The following ZCWPW2 variants were observed in gnomAD, a reference collection of about 807,000 sequenced individuals.
ZCWPW2 encodes the protein zinc finger CW-type PWWP domain protein 2.
A neutral mutation model predicts 46.6 loss-of-function variants in ZCWPW2; 45 were observed. The observed-to-expected ratio is 0.96, with a 90% CI of 0.76 to 1.24. The LOEUF (loss-of-function observed/expected upper bound fraction) is 1.24. Among genes scored for constraint, ZCWPW2 ranks in the 50% most tolerant of loss-of-function variants. The probability of loss-of-function intolerance (pLI) is 0.00; values close to 1 mark genes in which losing one functional copy is unlikely to be tolerated. For missense variants in ZCWPW2, 429 were observed against 403.9 expected (o/e 1.06, Z -0.53); for synonymous variants, 152 against 137.1 (o/e 1.11, Z -0.76).
intron 1 of ZCWPW2, among the ~76,000 whole-genome samples, chr3:28,380,960 A>T (rs866213970): frequency 2.3e-5 from 1 of 44,434 alleles, no homozygotes; most frequent in Admixed American, 2.7e-4. Flanking sequence ...ATATATATAT[A>T]TATATATATA....
chr3:28,495,461 A>G (rs1699959328), intron 6 of ZCWPW2, among the ~76,000 whole-genome samples: 1 of 152,060 alleles, frequency 6.6e-6, no homozygotes, highest in African/African-American at 2.4e-5. Context: ...TATTGCTTTT[A>G]TTTGTACCAG....
At chr3:28,432,518 T>A (rs897491326) in intron 3 of ZCWPW2, among the ~76,000 whole-genome samples, 1 of 152,214 alleles carries the variant, frequency 6.6e-6, no homozygotes, top group African/African-American at 2.4e-5. Flanking sequence ...CATAGCTTAC[T>A]GACCTTATTT....
In ZCWPW2 at chr3:28,390,102, G is replaced by A. The variant is rs555907374; in HGVS notation, c.-133-396G>A. Among the ~76,000 whole-genome samples, 258 of 152,256 alleles carry A rather than the reference G, an allele frequency of 1.7e-3. 1 individual carries two copies. The highest frequency in any genetic ancestry group is 7.0e-3 in the South Asian group (34 of 4,830). ...GACATCCTCCATTTCCCAGTTTACA[G>A]ATGGCCATGGGAATGTCAGCCCACA... is the stretch of plus-strand genomic sequence containing the variant. On this transcript the variant is annotated intron_variant, in intron 1 of 9. Transcript: ENST00000383768.
chr3:28,469,698 G>A (rs553780906), intron 4 of ZCWPW2, among the ~76,000 whole-genome samples: 3 of 150,974 alleles, frequency 2.0e-5, no homozygotes, highest in African/African-American at 7.3e-5. Flanking sequence ...ATATATATAT[G>A]CATGTATATG....
chr3:28,511,129 T>A (rs1166057177), intron 6 of ZCWPW2: 1 of 448,524 alleles, frequency 2.2e-6, no homozygotes, highest in Non-Finnish European at 4.5e-6. Context: ...GGGGAAGAGG[T>A]AAATGTATGA....
At chr3:28,381,651 G>A (rs1007264550) in intron 1 of ZCWPW2, among the ~76,000 whole-genome samples, 1 of 152,126 alleles carries the variant, frequency 6.6e-6, no homozygotes, top group Admixed American at 6.6e-5. Context: ...GATGAGCATG[G>A]TGGCACACGG....
At chr3:28,514,557 A>G (rs1275551454) in intron 7 of ZCWPW2, among the ~76,000 whole-genome samples, 2 of 152,168 alleles carry the variant, frequency 1.3e-5, no homozygotes, top group African/African-American at 4.8e-5. Context: ...ACAGAATCTC[A>G]CAATCCTTGA....
chr3:28,464,479 G>T (rs958658502), intron 4 of ZCWPW2, among the ~76,000 whole-genome samples: 3 of 152,006 alleles, frequency 2.0e-5, no homozygotes, highest in Non-Finnish European at 4.4e-5. Flanking sequence ...GTTCCTAGTT[G>T]GGAGAGAAGA....
intron 5 of ZCWPW2, among the ~76,000 whole-genome samples, chr3:28,480,927 G>T (rs555250363): frequency 6.8e-6 from 1 of 146,634 alleles, no homozygotes; most frequent in East Asian, 2.0e-4. Flanking sequence ...GTGCAATGGC[G>T]CGATCTCAGC....
At chr3:28,384,711 C>T (rs1046317092) in intron 1 of ZCWPW2, among the ~76,000 whole-genome samples, 8 of 150,736 alleles carry the variant, frequency 5.3e-5, no homozygotes, top group Non-Finnish European at 2.9e-5. Flanking sequence ...CTCCTGGGTT[C>T]AAGCAATTCT....
At chr3:28,420,881 T>G (rs970765355) in intron 3 of ZCWPW2, among the ~76,000 whole-genome samples, 2 of 152,202 alleles carry the variant, frequency 1.3e-5, no homozygotes, top group African/African-American at 4.8e-5. Flanking sequence ...ATTGTTCTCT[T>G]TTTAAGTTCA....
intron 6 of ZCWPW2, among the ~76,000 whole-genome samples, chr3:28,507,327 T>C (rs1700303829): frequency 6.6e-6 from 1 of 152,204 alleles, no homozygotes; most frequent in Non-Finnish European, 1.5e-5. Context: ...TAAAGTACTT[T>C]TCACTTGTTG....
intron 2 of ZCWPW2, among the ~76,000 whole-genome samples, chr3:28,393,149 A>G (rs951515701): frequency 6.6e-6 from 1 of 152,136 alleles, no homozygotes; most frequent in Admixed American, 6.5e-5. Context: ...ACAAAGGATC[A>G]TAAGAAACTA....
Position 28,512,429 on chromosome 3 carries a change from C to A in ZCWPW2, c.658-1635C>A, listed in dbSNP as rs190946934. On this transcript the variant is annotated intron_variant, in intron 6 of 9. Transcript: ENST00000383768. ...CAAATTCCTCACCTCTGATAATCAA[C>A]CTGCCTTGGCCTCCCAAAGTGCTGG... 1.2e-3 allele frequency among the ~76,000 whole-genome samples: 178 copies of A among 152,104 alleles called. 1 individual carries two copies. Among genetic ancestry groups the A allele is most frequent in the African/African-American group, 4.0e-3 (165 of 41,524 alleles).
intron 1 of ZCWPW2, among the ~76,000 whole-genome samples, chr3:28,370,278 C>A (rs542495350): frequency 1.3e-5 from 2 of 152,262 alleles, no homozygotes; most frequent in African/African-American, 4.8e-5. Context: ...TGGAGCTGTT[C>A]CTATTTGGCC....
chr3:28,473,484 A>C (rs1030860098), intron 4 of ZCWPW2, among the ~76,000 whole-genome samples: 2 of 152,040 alleles, frequency 1.3e-5, no homozygotes, highest in Non-Finnish European at 2.9e-5. Flanking sequence ...CAAAAAAAAA[A>C]CAAAAAAATA....
intron 2 of ZCWPW2, among the ~76,000 whole-genome samples, chr3:28,399,762 A>G (rs1341306657): frequency 6.6e-6 from 1 of 152,204 alleles, no homozygotes; most frequent in Non-Finnish European, 1.5e-5. Flanking sequence ...ACCCCATAGG[A>G]CAAAAGAATC....
intron 1 of ZCWPW2, among the ~76,000 whole-genome samples, chr3:28,390,180 T>A (rs1210122225): frequency 6.6e-6 from 1 of 152,204 alleles, no homozygotes; most frequent in Non-Finnish European, 1.5e-5. Flanking sequence ...AAGAATATCA[T>A]CTTCACAGAG....
intron 5 of ZCWPW2, 22 bp from the exon 6 acceptor site, chr3:28,492,105 G>C (rs1257159195): frequency 1.2e-6 from 2 of 1,606,760 alleles, no homozygotes; most frequent in Non-Finnish European, 1.7e-6. Context: ...TTTTGAAGCA[G>C]CCATGTTTCA....
Sources: gnomAD v4.1 joint callset for allele counts (sites outside exome capture counted in the v4.1 genomes callset) on GRCh38, gnomAD v4.1.1 for gene constraint, MANE v1.5 for transcripts, NCBI Gene and HGNC (gene_info 2026-07-23, HGNC 2026-07-21) for gene names.